EXOC2: variants seen among roughly 807,000 people sequenced by gnomAD.
EXOC2 encodes exocyst complex component 2.
EXOC2 carries 70 observed loss-of-function variants against 131.8 expected under a neutral mutation model. The observed-to-expected ratio is 0.53, with a 90% CI of 0.44 to 0.65. The LOEUF is 0.65. EXOC2 is among the 30% of genes least tolerant of loss of function. The pLI is 0.00. For synonymous variants in EXOC2, 411 were observed against 398.4 expected, an observed-to-expected ratio of 1.03 and a Z score of -0.38; for missense variants, 923 against 1,108.6, an observed-to-expected ratio of 0.83 and a Z score of 2.38.
intron 23 of EXOC2, among the ~76,000 whole-genome samples, chr6:518,034 T>C (rs1309422396): frequency 6.6e-6 from 1 of 152,236 alleles, no homozygotes; most frequent in Non-Finnish European, 1.5e-5. Context: ...TGTGTGGACC[T>C]TGACTGAATC....
intron 2 of EXOC2, among the ~76,000 whole-genome samples, chr6:635,301 A>G (rs191087931): frequency 3.0e-4 from 45 of 152,370 alleles, no homozygotes; most frequent in Non-Finnish European, 6.2e-4. Context: ...GCAAACCTGA[A>G]TGATATGCAT....
chr6:544,594 T>C (rs1008003643), intron 22 of EXOC2, among the ~76,000 whole-genome samples: 1 of 152,324 alleles, frequency 6.6e-6, no homozygotes, highest in African/African-American at 2.4e-5. Context: ...CACATATATA[T>C]AGAGATAATA....
chr6:568,827 A>C (rs1212333003), intron 13 of EXOC2, among the ~76,000 whole-genome samples: 1 of 152,214 alleles, frequency 6.6e-6, no homozygotes, highest in Non-Finnish European at 1.5e-5. Context: ...TTGTTAAAAA[A>C]CATATAAAAA....
rs751179549 is a variant in EXOC2 at position 592,522 on chromosome 6, C to T, written c.1139G>A (p.Trp380Ter). ...GCAACTGTGCATGAGCTGAAGGATC[C>T]ACTTGTGTTGGGCTCCAATGCATTG... ...AWQCIGAQHK[W>*]ILQLMHSCKE... Residue 380 changes from tryptophan (W) to a stop codon, truncating the protein, a stop_gained, in exon 11 of 28, where the codon TGG becomes TAG. Coordinates refer to ENST00000230449, the MANE Select transcript of EXOC2 (RefSeq NM_018303.6). LOFTEE classifies it high-confidence loss of function. The T allele has an allele frequency of 3.1e-6, 5 of 1,614,018 alleles. No individual in the cohort carries two copies. The highest frequency in any genetic ancestry group is 4.2e-6 in the Non-Finnish European group (5 of 1,179,984).
chr6:554,317 G>C (rs531185904), intron 20 of EXOC2, among the ~76,000 whole-genome samples: 2 of 152,154 alleles, frequency 1.3e-5, no homozygotes, highest in African/African-American at 4.8e-5. Flanking sequence ...TGGAATTACA[G>C]GCATGAACCA....
intron 22 of EXOC2, among the ~76,000 whole-genome samples, chr6:541,635 G>C (rs536019636): frequency 6.6e-6 from 1 of 152,184 alleles, no homozygotes; most frequent in Non-Finnish European, 1.5e-5. Flanking sequence ...AGCTGAGGTT[G>C]AAGTAATAAA....
At chr6:688,179 T>C (rs1241600661) in intron 1 of EXOC2, among the ~76,000 whole-genome samples, 4 of 152,164 alleles carry the variant, frequency 2.6e-5, no homozygotes, top group Non-Finnish European at 5.9e-5. Flanking sequence ...GTGTAAATGA[T>C]GTGAAAGGAT....
At chr6:628,697 T>C (rs569246082) in intron 4 of EXOC2, among the ~76,000 whole-genome samples, 2 of 152,170 alleles carry the variant, frequency 1.3e-5, no homozygotes, top group African/African-American at 4.8e-5. Flanking sequence ...CTCAGGCAGG[T>C]TGGAAAGAGA....
chr6:689,564 A>G (rs1042553895), intron 1 of EXOC2, among the ~76,000 whole-genome samples: 3 of 152,186 alleles, frequency 2.0e-5, no homozygotes, highest in African/African-American at 7.2e-5. Context: ...TCTAGCCCCA[A>G]CGGATCCTTC....
intron 23 of EXOC2, among the ~76,000 whole-genome samples, chr6:513,586 A>G (rs547080250): frequency 6.6e-6 from 1 of 152,376 alleles, no homozygotes; most frequent in African/African-American, 2.4e-5. Context: ...GCTAAAAGTC[A>G]CATGCATTCT....
At chr6:501,653 AGATAT>A (rs1323684086) in intron 23 of EXOC2, among the ~76,000 whole-genome samples, 2 of 107,942 alleles carry the variant, frequency 1.9e-5, no homozygotes, top group East Asian at 2.3e-4. Flanking sequence ...ATATATAGAT[AGATAT>A]ATCTATCTAT....
In EXOC2 at chr6:617,787, G is replaced by A. The variant is rs1224388777; in HGVS notation, c.585C>T (p.Asn195=). The A allele has an allele frequency of 6.2e-7, 1 of 1,613,456 alleles. No individual in the cohort carries two copies. Among genetic ancestry groups the A allele is most frequent in the Admixed American group, 1.7e-5 (1 of 59,910 alleles). ...MAVTNLKRQA[N]KKSEGSLAYV... is the part of the protein sequence containing the mutation. ...AGGCCAGGCTGCCCTCACTCTTCTTGTTAGCCTGTCTCTTTAGGTTGGTGA... is the reference window on the plus strand; with the variant it reads ...AGGCCAGGCTGCCCTCACTCTTCTTATTAGCCTGTCTCTTTAGGTTGGTGA... The change falls in exon 6 of 28, where the codon AAC becomes AAT. Residue 195 remains asparagine, a synonymous_variant. Coordinates refer to ENST00000230449, the MANE Select transcript of EXOC2 (RefSeq NM_018303.6).
chr6:615,637 G>C (rs1760956292), intron 6 of EXOC2, among the ~76,000 whole-genome samples: 1 of 151,148 alleles, frequency 6.6e-6, no homozygotes, highest in African/African-American at 2.4e-5. Context: ...GGAGAATCAT[G>C]TGAACCCAGG....
At chr6:550,437 T>C (rs1430468871) in intron 21 of EXOC2, among the ~76,000 whole-genome samples, 3 of 152,246 alleles carry the variant, frequency 2.0e-5, no homozygotes, top group African/African-American at 7.2e-5. Flanking sequence ...TCTTTATTTC[T>C]GGCAGAGTGT....
intron 2 of EXOC2, 96 bp from the exon 3 acceptor site, chr6:633,213 TAATGACATTATTGAATATACCC>T (rs1761939816): frequency 7.6e-7 from 1 of 1,323,076 alleles, no homozygotes; most frequent in South Asian, 1.3e-5. Context: ...TCTTGTTCAA[TAATGACATTATTGAATATACCC>T]AATATTATTT....
At chr6:553,390 A>AGTGT (rs34996425) in intron 21 of EXOC2, among the ~76,000 whole-genome samples, 54,840 of 149,880 alleles carry the variant, frequency 0.37, 10,359 homozygotes, top group South Asian at 0.59. Flanking sequence ...TTTGTGTATA[A>AGTGT]GTGTGTGTGT....
chr6:521,537 T>TC (rs1765469969), intron 23 of EXOC2, among the ~76,000 whole-genome samples: 1 of 152,104 alleles, frequency 6.6e-6, no homozygotes. Context: ...ATTCTTTTTT[T>TC]TTTTTTTCCT....
intron 23 of EXOC2, among the ~76,000 whole-genome samples, chr6:517,190 A>G (rs1765208090): frequency 6.6e-6 from 1 of 152,210 alleles, no homozygotes; most frequent in East Asian, 1.9e-4. Flanking sequence ...GAAGATGTTC[A>G]TATTTCATAT....
intron 26 of EXOC2, among the ~76,000 whole-genome samples, chr6:490,700 C>G (rs1763380815): frequency 6.6e-6 from 1 of 152,208 alleles, no homozygotes; most frequent in Admixed American, 6.5e-5. Context: ...ACTTCACCTA[C>G]TGATATTTCA....
Sources: allele counts gnomAD v4.1 joint callset (sites outside exome capture counted in the v4.1 genomes callset), GRCh38; gene constraint gnomAD v4.1.1; transcripts MANE v1.5; gene names NCBI Gene and HGNC (gene_info 2026-07-23, HGNC 2026-07-21).